FAM3C: variants seen among roughly 807,000 people sequenced by gnomAD.
FAM3C encodes protein FAM3C.
A neutral mutation model predicts 32.5 loss-of-function variants in FAM3C; 15 were observed. The observed-to-expected ratio is 0.46, with a 90% CI of 0.31 to 0.71. The LOEUF is 0.71. Ranked by LOEUF, FAM3C falls within the 30% of genes least tolerant of loss-of-function variation. FAM3C has a pLI of 0.05. For synonymous variants in FAM3C, 75 were observed against 86.1 expected (o/e 0.87, Z 0.72); for missense variants, 175 against 274.4 (o/e 0.64, Z 2.56).
At chr7:121,353,534 G>C (rs771529946) in intron 8 of FAM3C, among the ~76,000 whole-genome samples, 1 of 152,222 alleles carries the variant, frequency 6.6e-6, no homozygotes, top group Non-Finnish European at 1.5e-5. Flanking sequence ...TGGATTTGCG[G>C]AGGGCTCCTA....
chr7:121,393,466 A>T (rs2116980157), intron 1 of FAM3C, among the ~76,000 whole-genome samples: 1 of 152,288 alleles, frequency 6.6e-6, no homozygotes. Flanking sequence ...AAAATGAAAA[A>T]TTCTGTTACA....
chr7:121,356,409 C>G (rs1793810096), intron 8 of FAM3C, among the ~76,000 whole-genome samples: 1 of 152,092 alleles, frequency 6.6e-6, no homozygotes, highest in Admixed American at 6.5e-5. Context: ...AGAAAAATAC[C>G]AATTAGCTTC....
chr7:121,372,974 A>T (rs890484867), intron 3 of FAM3C, among the ~76,000 whole-genome samples: 5 of 152,220 alleles, frequency 3.3e-5, no homozygotes, highest in African/African-American at 7.2e-5. Context: ...GTTTAAAAAG[A>T]GGAAAATGAC....
chr7:121,382,466 A>G (rs1165996037), intron 2 of FAM3C, among the ~76,000 whole-genome samples: 1 of 152,002 alleles, frequency 6.6e-6, no homozygotes, highest in Non-Finnish European at 1.5e-5. Context: ...TTTTCTCAAG[A>G]CGCTAGAACA....
At chr7:121,367,969 G>A (rs1342427555) in intron 5 of FAM3C, among the ~76,000 whole-genome samples, 3 of 151,150 alleles carry the variant, frequency 2.0e-5, no homozygotes, top group Admixed American at 1.3e-4. Flanking sequence ...CTGTCTCTAG[G>A]TAAAAAAGAA....
intron 7 of FAM3C, among the ~76,000 whole-genome samples, chr7:121,361,132 A>C (rs2116888456): frequency 6.6e-6 from 1 of 152,332 alleles, no homozygotes; most frequent in African/African-American, 2.4e-5. Context: ...ACTTCAAAAT[A>C]AACCACTTCA....
intron 8 of FAM3C, among the ~76,000 whole-genome samples, chr7:121,355,299 T>C (rs1457552173): frequency 6.6e-6 from 1 of 152,202 alleles, no homozygotes; most frequent in African/African-American, 2.4e-5. Flanking sequence ...AAGGAACTTG[T>C]TGAAATAATC....
chr7:121,362,114 T>G (rs945249644), intron 7 of FAM3C, among the ~76,000 whole-genome samples: 7 of 152,128 alleles, frequency 4.6e-5, no homozygotes, highest in African/African-American at 1.7e-4. Context: ...GCAGGGGAGA[T>G]CCTCATACTG....
At chr7:121,384,918 C>A (rs1429052553) in intron 1 of FAM3C, among the ~76,000 whole-genome samples, 4 of 152,028 alleles carry the variant, frequency 2.6e-5, no homozygotes, top group African/African-American at 9.7e-5. Flanking sequence ...TGATAATGTG[C>A]TAATTCTAAA....
chr7:121,390,534 C>T (rs1794552875), intron 1 of FAM3C, among the ~76,000 whole-genome samples: 3 of 152,140 alleles, frequency 2.0e-5, no homozygotes, highest in South Asian at 2.1e-4. Flanking sequence ...GAAATTAGGG[C>T]TTAGGAGTCA....
intron 4 of FAM3C, 24 bp from the exon 5 acceptor site, chr7:121,371,447 C>CT (rs1170370192): frequency 1.2e-6 from 2 of 1,610,092 alleles, no homozygotes; most frequent in Non-Finnish European, 1.7e-6. Context: ...AACATGATGT[C>CT]TTTTTTTAGA....
At chr7:121,363,277 A>G (rs1793963569) in intron 6 of FAM3C, among the ~76,000 whole-genome samples, 1 of 152,188 alleles carries the variant, frequency 6.6e-6, no homozygotes, top group Non-Finnish European at 1.5e-5. Flanking sequence ...ATATTCTCTT[A>G]TTTTAAAATT....
chr7:121,371,327 C>G lies in FAM3C; in HGVS notation c.245G>C (p.Gly82Ala). 1 of 1,613,412 alleles carries G rather than the reference C, an allele frequency of 6.2e-7. No homozygotes were observed. Among genetic ancestry groups the G allele is most frequent in the South Asian group, 1.1e-5 (1 of 91,030 alleles). The change falls in exon 5 of 10, where the codon GGA (glycine) becomes GCA (alanine). Residue 82 changes from glycine (G) to alanine (A), a missense_variant. Gly to Ala is a moderately conservative substitution (Grantham distance 60). Coordinates refer to ENST00000359943, the MANE Select transcript of FAM3C (RefSeq NM_014888.3). ...ATTATCTTCCAGGCAGATTTTGGGT[C>G]CCACCACGTTGGCTGCTCCACTTGC... Reference protein sequence around the residue: ...KMASGAANVVGPKICLEDNVL... With the variant: ...KMASGAANVVAPKICLEDNVL...
Position 121,378,910 on chromosome 7 carries a change from C to G in FAM3C, c.118G>C (p.Ala40Pro). 1 of 1,446,030 alleles carries G rather than the reference C, an allele frequency of 6.9e-7. No individual in the cohort carries two copies. Among genetic ancestry groups the G allele is most frequent in the South Asian group, 1.3e-5 (1 of 77,042 alleles). 89.6% of individuals were successfully genotyped at this position (1,446,030 alleles called of 1,614,324 possible). ...AAGAAAGGAAAAAAATAAAACTTAC[C>G]AAATAGATTTCCTAAACTTGCATCC... The part of the protein sequence containing the change: ...KMDASLGNLF[A>P]RSALDTAARS... The change falls in exon 3 of 10, where the codon GCA becomes CCA. Residue 40 changes from alanine to proline, a missense_variant and splice_region_variant. By Grantham distance (27) the Ala-to-Pro change is conservative. Transcript: ENST00000359943.
At chr7:121,355,380 CA>C (rs1793786230) in intron 8 of FAM3C, among the ~76,000 whole-genome samples, 1 of 151,926 alleles carries the variant, frequency 6.6e-6, no homozygotes, top group Non-Finnish European at 1.5e-5. Context: ...TCCCTGTTTT[CA>C]AAAAAGGCAA....
At chr7:121,364,726 C>G (rs1793991365) in intron 5 of FAM3C, among the ~76,000 whole-genome samples, 1 of 152,110 alleles carries the variant, frequency 6.6e-6, no homozygotes, top group African/African-American at 2.4e-5. Context: ...CTCATGAAAT[C>G]ACTGCATTGA....
At position 121,351,264 on chromosome 7, in the gene FAM3C, T is replaced by C. The variant is rs776350244; in HGVS notation, c.473A>G (p.Asn158Ser). The change falls in exon 9 of 10, where the codon AAT becomes AGT. Residue 158 changes from asparagine to serine, a missense_variant. Asn to Ser is a conservative substitution (Grantham distance 46). Coordinates refer to ENST00000359943, the MANE Select transcript of FAM3C (RefSeq NM_014888.3). ...GTYDDGATKL[N>S]DEARRLIADL... ...AGCAATGAGCCGCCGTGCCTCATCA[T>C]TGAGTCTTGAAGAGGGAGAGAAAGA... 8.7e-6 allele frequency: 14 copies of C among 1,613,312 alleles called. No homozygotes were observed. Among genetic ancestry groups the C allele is most frequent in the African/African-American group, 2.7e-5 (2 of 74,902 alleles).
At chr7:121,383,402 T>C (rs919729628) in intron 1 of FAM3C, among the ~76,000 whole-genome samples, 1 of 152,170 alleles carries the variant, frequency 6.6e-6, no homozygotes, top group Admixed American at 6.5e-5. Context: ...ACAAATTATT[T>C]GTAGACATGG....
At chr7:121,369,263 G>A (rs1003841966) in intron 5 of FAM3C, among the ~76,000 whole-genome samples, 1 of 152,098 alleles carries the variant, frequency 6.6e-6, no homozygotes, top group African/African-American at 2.4e-5. Context: ...TTACAGGCAT[G>A]AGCCACCACG....
Sources: gnomAD v4.1 joint callset for allele counts (sites outside exome capture counted in the v4.1 genomes callset) on GRCh38, gnomAD v4.1.1 for gene constraint, MANE v1.5 for transcripts, NCBI Gene and HGNC (gene_info 2026-07-23, HGNC 2026-07-21) for gene names.